The following FBXO28 variants were observed in gnomAD, a reference collection of about 807,000 sequenced individuals.
FBXO28 encodes F-box protein 28, also known as F-box only protein 28.
FBXO28 carries 8 observed loss-of-function variants against 38.1 expected under a neutral mutation model. The observed-to-expected ratio is 0.21, with a 90% CI of 0.12 to 0.38. FBXO28 has a LOEUF of 0.38. Ranked by LOEUF, FBXO28 falls within the 10% of genes least tolerant of loss-of-function variation. The pLI, the probability that FBXO28 is intolerant of heterozygous loss-of-function variation, is 1.00. For synonymous variants in FBXO28, 168 were observed against 173.8 expected (o/e 0.97, Z 0.26); for missense variants, 345 against 460.6 (o/e 0.75, Z 2.30).
chr1:224,155,521 G>C (rs978339881), intron 4 of FBXO28, among the ~76,000 whole-genome samples: 15 of 152,154 alleles, frequency 9.9e-5, no homozygotes, highest in African/African-American at 3.4e-4. Context: ...CTTCATCTGT[G>C]CTAAATAACT....
At chr1:224,114,981 C>G (rs1454401853) in intron 1 of FBXO28, among the ~76,000 whole-genome samples, 1 of 152,140 alleles carries the variant, frequency 6.6e-6, no homozygotes, top group Non-Finnish European at 1.5e-5. Flanking sequence ...CCCCAGCGCC[C>G]TAATTGACCA....
At chr1:224,148,136 A>G (rs919048718) in intron 3 of FBXO28, among the ~76,000 whole-genome samples, 1 of 152,198 alleles carries the variant, frequency 6.6e-6, no homozygotes, top group Admixed American at 6.6e-5. Flanking sequence ...GGGCAAATGG[A>G]AAGAGTGAAC....
At chr1:224,149,577 A>G (rs570350102) in intron 3 of FBXO28, among the ~76,000 whole-genome samples, 3 of 152,310 alleles carry the variant, frequency 2.0e-5, no homozygotes, top group African/African-American at 7.2e-5. Context: ...TAAACAATTA[A>G]TATACTTAAC....
At chr1:224,132,728 C>T (rs1397024985) in intron 2 of FBXO28, among the ~76,000 whole-genome samples, 2 of 151,540 alleles carry the variant, frequency 1.3e-5, no homozygotes, top group African/African-American at 4.9e-5. Flanking sequence ...TTGCTTGAAC[C>T]TGGGAGACGG....
intron 1 of FBXO28, among the ~76,000 whole-genome samples, chr1:224,119,618 T>C (rs779673132): frequency 1.3e-5 from 2 of 152,170 alleles, no homozygotes; most frequent in African/African-American, 4.8e-5. Context: ...AGAGAAAATA[T>C]ACATACCTTC....
At position 224,127,696 on chromosome 1, in the gene FBXO28, C is replaced by G. The variant is rs146035549; in HGVS notation, c.268-2776C>G. Among the ~76,000 whole-genome samples, 52 of 152,230 alleles carry G rather than the reference C, an allele frequency of 3.4e-4. No homozygotes were observed. The East Asian group carries it at 8.9e-3, about 26-fold the overall frequency. On this transcript the variant is annotated intron_variant, in intron 1 of 4. Transcript: ENST00000366862. ...CCAAGACAGGCAAATCACCTGAGGC[C>G]AGGAGTTCAAGACCAGCCTGGCCAA...
intron 2 of FBXO28, 117 bp downstream of exon 2, chr1:224,130,698 A>G (rs760914177): frequency 3.1e-5 from 19 of 622,358 alleles, no homozygotes; most frequent in Non-Finnish European, 4.8e-5. Context: ...CAAAGGGCAC[A>G]AAGATCACAA....
intron 3 of FBXO28, among the ~76,000 whole-genome samples, chr1:224,143,422 C>T (rs6687643): frequency 0.16 from 24,122 of 151,950 alleles, 2,075 homozygotes; most frequent in Middle Eastern, 0.24. Flanking sequence ...GTGAGGGTGC[C>T]CTGCAGTGAG....
chr1:224,119,634 G>A (rs1656727452), intron 1 of FBXO28, among the ~76,000 whole-genome samples: 1 of 152,086 alleles, frequency 6.6e-6, no homozygotes, highest in Non-Finnish European at 1.5e-5. Context: ...CCTTCCTTGA[G>A]CACACTTACA....
chr1:224,114,478 G>C, intron 1 of FBXO28, 82 bp downstream of exon 1: 1 of 1,234,880 alleles, frequency 8.1e-7, no homozygotes, highest in African/African-American at 1.5e-5. Context: ...TCCCCGGGAA[G>C]GGAGCCCCCC....
rs761831414 is a variant in FBXO28 at position 224,153,174 on chromosome 1, T to C, written c.549T>C (p.Tyr183=). Residue 183 remains tyrosine, a synonymous_variant, in exon 4 of 5, where the codon TAT becomes TAC. Coordinates refer to ENST00000366862, the MANE Select transcript of FBXO28 (RefSeq NM_015176.4). ...ATGAGATTTATCGTGTGTTGAGATA[T>C]GTCAATTCTACCAGAGCCCCTCAAC... ...VIDEIYRVLR[Y]VNSTRAPQRA... is the part of the protein sequence containing the mutation. The C allele has an allele frequency of 4.4e-6, 7 of 1,608,056 alleles. No homozygotes were observed. The highest frequency in any genetic ancestry group is 5.1e-6 in the Non-Finnish European group (6 of 1,178,338).
chr1:224,147,544 G>A (rs1359953471), intron 3 of FBXO28, among the ~76,000 whole-genome samples: 1 of 152,082 alleles, frequency 6.6e-6, no homozygotes, highest in Non-Finnish European at 1.5e-5. Context: ...GGTAGTGTAG[G>A]TAATCTAGAG....
intron 1 of FBXO28, among the ~76,000 whole-genome samples, chr1:224,129,526 G>GCCCC (rs1480613667): frequency 7.2e-5 from 11 of 152,084 alleles, no homozygotes; most frequent in South Asian, 4.1e-4. Flanking sequence ...AATTTTTTTT[G>GCCCC]TTTCAAACTA....
intron 3 of FBXO28, among the ~76,000 whole-genome samples, chr1:224,137,040 C>G (rs544569701): frequency 1.3e-5 from 2 of 151,816 alleles, no homozygotes; most frequent in Admixed American, 1.3e-4. Context: ...GTGTGAACCA[C>G]TGTGCCTAGC....
chr1:224,118,782 T>G (rs1656703771), intron 1 of FBXO28, among the ~76,000 whole-genome samples: 1 of 152,234 alleles, frequency 6.6e-6, no homozygotes, highest in African/African-American at 2.4e-5. Context: ...TCTCAGTTTT[T>G]TTGGTCTGAA....
In FBXO28 at chr1:224,161,415, AGTT is replaced by A. The variant is rs2102641387; in HGVS notation, c.*3673_*3675del. 6.6e-6 allele frequency: 1 copy of A among 152,342 alleles called. No individual in the cohort carries two copies. Among genetic ancestry groups the A allele is most frequent in the South Asian group, 2.1e-4 (1 of 4,830 alleles). The allele number at this position is 152,342 out of a possible 1,614,324, so 9.4% of individuals were successfully genotyped here. The stretch of plus-strand genomic sequence containing the variant: ...TGAAAGAAAACGTCCTATACGATGC[AGTT>A]GTTTGGAAATGGCTGATTTCTGATA... On this transcript the variant is annotated 3_prime_UTR_variant, in exon 5 of 5. Coordinates refer to ENST00000366862, the MANE Select transcript of FBXO28 (RefSeq NM_015176.4).
chr1:224,114,625 C>CCTGAGGG (rs1656602039), intron 1 of FBXO28, among the ~76,000 whole-genome samples: 1 of 152,264 alleles, frequency 6.6e-6, no homozygotes. Context: ...GAGGGGACTT[C>CCTGAGGG]GCCTTGGGGG....
intron 3 of FBXO28, among the ~76,000 whole-genome samples, chr1:224,151,366 A>G (rs1479115033): frequency 6.6e-6 from 1 of 152,164 alleles, no homozygotes; most frequent in Non-Finnish European, 1.5e-5. Context: ...CTCTCCTATG[A>G]TGTCTTCTCA....
chr1:224,114,154 A>G lies in FBXO28; in HGVS notation c.25A>G (p.Met9Val). 1 of 1,545,210 alleles carries G rather than the reference A, an allele frequency of 6.5e-7. No homozygotes were observed. Among genetic ancestry groups the G allele is most frequent in the Non-Finnish European group, 8.7e-7 (1 of 1,144,752 alleles). The change falls in exon 1 of 5, where the codon ATG becomes GTG. Residue 9 changes from methionine (M) to valine (V), a missense_variant. Coordinates refer to ENST00000366862, the MANE Select transcript of FBXO28 (RefSeq NM_015176.4). MAAAAEER[M>V]AEEGGGGQGD... Reference sequence around the variant, plus strand: ...GATGGCGGCAGCGGCGGAGGAGCGGATGGCAGAGGAAGGAGGCGGCGGCCA... The same window carrying G: ...GATGGCGGCAGCGGCGGAGGAGCGGGTGGCAGAGGAAGGAGGCGGCGGCCA...
Sources: gnomAD v4.1 joint callset for allele counts (sites outside exome capture counted in the v4.1 genomes callset) on GRCh38, gnomAD v4.1.1 for gene constraint, MANE v1.5 for transcripts, NCBI Gene and HGNC (gene_info 2026-07-23, HGNC 2026-07-21) for gene names.